Variants in STK32B observed in about 807,000 individuals in gnomAD.
The protein encoded by STK32B is serine/threonine-protein kinase 32B.
STK32B carries 43 observed loss-of-function variants against 52.6 expected under a neutral mutation model. That is an observed-to-expected ratio of 0.82 (90% CI 0.64 to 1.05). The LOEUF is 1.05. Ranked by LOEUF, STK32B falls within the 50% of genes least tolerant of loss-of-function variation. The pLI is 0.00. For synonymous variants in STK32B, 238 were observed against 204.3 expected, an observed-to-expected ratio of 1.17 and a Z score of -1.41; for missense variants, 621 against 534.6, an observed-to-expected ratio of 1.16 and a Z score of -1.59.
chr4:5,218,499 C>T lies in STK32B; in HGVS notation c.260+50049C>T, dbSNP rs149858710. Among the ~76,000 whole-genome samples, 92 of 152,258 alleles carry T rather than the reference C, an allele frequency of 6.0e-4. 1 individual carries two copies. In the Middle Eastern group the frequency reaches 0.02, roughly 34 times the overall value. ...AGGGTAAGACTGCACATTTCTTTGG[C>T]CAATTCCTGTAGTCAGGACTATAGC... On this transcript the variant is annotated intron_variant, in intron 3 of 11. Transcript: ENST00000282908.
chr4:5,176,518 A>G (rs985334763), intron 3 of STK32B, among the ~76,000 whole-genome samples: 1 of 141,662 alleles, frequency 7.1e-6, no homozygotes, highest in Non-Finnish European at 1.5e-5. Flanking sequence ...ATCTCGGCTC[A>G]TTGCAACCTC....
the STK32B span, among the ~76,000 whole-genome samples, chr4:5,022,345 C>T: frequency 1.3e-5 from 2 of 152,120 alleles, no homozygotes; most frequent in African/African-American, 4.8e-5. Context: ...AGGCACAAGC[C>T]CACTAAGAAA....
At chr4:5,301,131 A>G (rs564848276) in intron 3 of STK32B, among the ~76,000 whole-genome samples, 11 of 152,206 alleles carry the variant, frequency 7.2e-5, no homozygotes, top group African/African-American at 2.4e-4. Context: ...CATAAATCCT[A>G]CTTGCTCATG....
chr4:5,187,583 A>G (rs1310610184), intron 3 of STK32B, among the ~76,000 whole-genome samples: 6 of 91,686 alleles, frequency 6.5e-5, no homozygotes, highest in Non-Finnish European at 1.2e-4. Context: ...GCTCTCCAGG[A>G]TGGGGTGTGT....
At chr4:5,032,018 T>C in the STK32B span, among the ~76,000 whole-genome samples, 2 of 152,204 alleles carry the variant, frequency 1.3e-5, no homozygotes, top group African/African-American at 4.8e-5. Flanking sequence ...GAATGCTGAA[T>C]GATTCACCAA....
chr4:5,143,393 C>T (rs1020118068), intron 2 of STK32B, among the ~76,000 whole-genome samples: 2 of 152,190 alleles, frequency 1.3e-5, no homozygotes, highest in African/African-American at 4.8e-5. Flanking sequence ...TGACAGGTGC[C>T]ACTTTGGATC....
chr4:5,316,660 A>T (rs1272282023), intron 3 of STK32B, among the ~76,000 whole-genome samples: 2 of 5,154 alleles, frequency 3.9e-4, no homozygotes, highest in Non-Finnish European at 4.9e-4. Context: ...ATAATATATA[A>T]TATATATTAT....
intron 3 of STK32B, among the ~76,000 whole-genome samples, chr4:5,255,376 A>G (rs905780439): frequency 3.3e-5 from 5 of 152,202 alleles, no homozygotes; most frequent in Non-Finnish European, 7.3e-5. Flanking sequence ...CATCACAACC[A>G]TTTGATTTTC....
chr4:5,317,042 T>TATATC (rs1491404273), intron 3 of STK32B, among the ~76,000 whole-genome samples: 1 of 18,770 alleles, frequency 5.3e-5, no homozygotes, highest in African/African-American at 7.6e-4. Context: ...TATAATATAT[T>TATATC]ATATATATAA....
At chr4:5,459,435 C>T (rs751832198) in intron 8 of STK32B, among the ~76,000 whole-genome samples, 1 of 152,228 alleles carries the variant, frequency 6.6e-6, no homozygotes, top group Non-Finnish European at 1.5e-5. Context: ...CGCCCAAGGT[C>T]ACAGCTGTTA....
At chr4:5,260,347 C>T (rs757116964) in intron 3 of STK32B, among the ~76,000 whole-genome samples, 12 of 152,148 alleles carry the variant, frequency 7.9e-5, no homozygotes, top group Admixed American at 1.3e-4. Context: ...CCCAGCTGAG[C>T]GCTGAGATGA....
chr4:5,150,153 C>G (rs1243516152), intron 2 of STK32B, among the ~76,000 whole-genome samples: 1 of 152,032 alleles, frequency 6.6e-6, no homozygotes, highest in Non-Finnish European at 1.5e-5. Flanking sequence ...CAAAAAGTCC[C>G]TTAAAATTTG....
chr4:5,129,600 G>A (rs1245799257), intron 1 of STK32B, among the ~76,000 whole-genome samples: 1 of 152,110 alleles, frequency 6.6e-6, no homozygotes, highest in Non-Finnish European at 1.5e-5. Context: ...CAATTTTGGG[G>A]AACAACCTTG....
At position 5,399,412 on chromosome 4, in the gene STK32B, A is replaced by G. The variant is rs1169096066; in HGVS notation, c.472+1168A>G. 1.3e-5 allele frequency among the ~76,000 whole-genome samples: 2 copies of G among 152,118 alleles called. No individual in the cohort carries two copies. Among genetic ancestry groups the G allele is most frequent in the Non-Finnish European group, 2.9e-5 (2 of 68,022 alleles). On this transcript the variant is annotated intron_variant, in intron 5 of 11. Transcript: ENST00000282908. This position sits in a 1 kb window ranked among gnomAD's most constrained non-coding sequence, Gnocchi z 5.4. The stretch of plus-strand genomic sequence containing the variant: ...GGGGCATCCTAACCTCATAGTGTGC[A>G]TCCCTATGTACAGGAGTGGTGGATG...
At chr4:5,496,156 G>C (rs1293050983) in intron 11 of STK32B, among the ~76,000 whole-genome samples, 1 of 152,192 alleles carries the variant, frequency 6.6e-6, no homozygotes, top group African/African-American at 2.4e-5. Context: ...CTGTCTTTTT[G>C]TTTGTCTGTG....
chr4:5,032,209 C>G, the STK32B span, among the ~76,000 whole-genome samples: 1 of 150,378 alleles, frequency 6.6e-6, no homozygotes, highest in African/African-American at 2.4e-5. Context: ...CACAGTGGCT[C>G]ACACCTGTAA....
intron 6 of STK32B, 109 bp downstream of exon 6, chr4:5,417,043 C>A (rs376112303): frequency 6.1e-6 from 6 of 985,324 alleles, no homozygotes; most frequent in Non-Finnish European, 9.0e-6. Context: ...CCCTCCCATG[C>A]TCACATGAGG....
chr4:5,254,827 G>A (rs1397284320), intron 3 of STK32B, among the ~76,000 whole-genome samples: 1 of 151,958 alleles, frequency 6.6e-6, no homozygotes, highest in Non-Finnish European at 1.5e-5. Flanking sequence ...CATACATTTT[G>A]TAAGGTTGTA....
At chr4:5,141,313 A>G (rs1178684151) in intron 2 of STK32B, among the ~76,000 whole-genome samples, 1 of 152,220 alleles carries the variant, frequency 6.6e-6, no homozygotes, top group African/African-American at 2.4e-5. Flanking sequence ...ACCTGAAGGA[A>G]GCAAAGGAGG....
Sources: gnomAD v4.1 joint callset for allele counts (sites outside exome capture counted in the v4.1 genomes callset) on GRCh38, gnomAD v4.1.1 for gene constraint, Gnocchi (gnomAD v3.1) non-coding constraint, MANE v1.5 for transcripts, NCBI Gene and HGNC (gene_info 2026-07-23, HGNC 2026-07-21) for gene names.